The following USP47 variants were observed in gnomAD, a reference collection of about 807,000 sequenced individuals.
USP47 encodes the protein ubiquitin carboxyl-terminal hydrolase 47.
A neutral mutation model predicts 165.1 loss-of-function variants in USP47; 35 were observed. That is an observed-to-expected ratio of 0.21 (90% CI 0.16 to 0.28). USP47 has a LOEUF of 0.28. Ranked by LOEUF, USP47 falls within the 10% of genes least tolerant of loss-of-function variation. The probability of loss-of-function intolerance (pLI) is 1.00; values close to 1 mark genes in which losing one functional copy is unlikely to be tolerated. For synonymous variants in USP47, 531 were observed against 544.5 expected, an observed-to-expected ratio of 0.98 and a Z score of 0.35; for missense variants, 1,277 against 1,607.4, an observed-to-expected ratio of 0.79 and a Z score of 3.52.
In USP47 at chr11:11,902,826, T is replaced by C. The variant is rs1283661372; in HGVS notation, c.705T>C (p.Asp235=). Residue 235 remains aspartate (D), a synonymous_variant, in exon 6 of 28, where the codon GAT becomes GAC. Transcript: ENST00000527733. Reference sequence around the variant, plus strand: ...AAAAGAGAGCAATTGAAACCACAGATGTTACAAGGAGCTTTGGATGGGATA... The same window carrying C: ...AAAAGAGAGCAATTGAAACCACAGACGTTACAAGGAGCTTTGGATGGGATA... ...TSKKRAIETT[D]VTRSFGWDSS... The C allele has an allele frequency of 6.2e-7, 1 of 1,601,190 alleles. No individual in the cohort carries two copies. The highest frequency in any genetic ancestry group is 1.1e-5 in the South Asian group (1 of 88,030).
chr11:11,923,413 C>A (rs1035595582), intron 11 of USP47, among the ~76,000 whole-genome samples: 2 of 151,964 alleles, frequency 1.3e-5, no homozygotes, highest in African/African-American at 4.8e-5. Context: ...TCTTCCCTGT[C>A]CTGCGATAGT....
intron 20 of USP47, chr11:11,943,773 A>G (rs1159481022): frequency 1.3e-5 from 2 of 152,180 alleles, no homozygotes; most frequent in Non-Finnish European, 2.9e-5. Context: ...GACTGAGGCC[A>G]GCCAAATAAT....
chr11:11,934,636 T>C lies in USP47; in HGVS notation c.1869+701T>C, dbSNP rs79050935. ...TAAGAAACTGAAGAAAGGAGCCATA[T>C]GTTTAGATTGTTTTGAGTGAGCACA... is the stretch of plus-strand genomic sequence containing the variant. On this transcript the variant is annotated intron_variant, in intron 16 of 27. Coordinates refer to ENST00000527733, the MANE Select transcript of USP47 (RefSeq NM_001282659.2). Among the ~76,000 whole-genome samples, 871 of 152,194 alleles carry C rather than the reference T, an allele frequency of 5.7e-3. 9 individuals carry two copies. Among genetic ancestry groups the C allele is most frequent in the African/African-American group, 0.02 (831 of 41,544 alleles).
chr11:11,939,856 G>T (rs891175100), intron 18 of USP47, among the ~76,000 whole-genome samples: 4 of 151,946 alleles, frequency 2.6e-5, no homozygotes, highest in African/African-American at 2.4e-5. Flanking sequence ...GCATTGAAAA[G>T]AAATTGTGTT....
intron 8 of USP47, among the ~76,000 whole-genome samples, chr11:11,911,391 T>G (rs1445204103): frequency 6.6e-6 from 1 of 151,956 alleles, no homozygotes; most frequent in Non-Finnish European, 1.5e-5. Flanking sequence ...GCAAAAGGCA[T>G]AAACCTACAG....
intron 5 of USP47, among the ~76,000 whole-genome samples, chr11:11,899,539 G>A (rs887438178): frequency 6.6e-6 from 1 of 152,036 alleles, no homozygotes; most frequent in Non-Finnish European, 1.5e-5. Flanking sequence ...TGAGTAATGT[G>A]GAGGGAGTAA....
At position 11,961,878 on chromosome 11, in the gene USP47, C is replaced by T. The variant is rs1176035434; in HGVS notation, c.*5703C>T. Among the ~76,000 whole-genome samples, 1 of 152,206 alleles carries T rather than the reference C, an allele frequency of 6.6e-6. No homozygotes were observed. The highest frequency in any genetic ancestry group is 1.5e-5 in the Non-Finnish European group (1 of 68,036). ...AAGGTATTCAAGCACCACCTCCACC[C>T]AGCCCCTCCCACATTTCACTCAGGA... On this transcript the variant is annotated 3_prime_UTR_variant, in exon 28 of 28. Transcript: ENST00000527733.
Position 11,938,363 on chromosome 11 carries a change from G to T in USP47, c.2184G>T (p.Leu728=). The T allele has an allele frequency of 6.2e-7, 1 of 1,611,360 alleles. No homozygotes were observed. The highest frequency in any genetic ancestry group is 8.5e-7 in the Non-Finnish European group (1 of 1,178,400). The part of the protein sequence containing the change: ...LNQTVTEFKQ[L]ISKAIHLPAE... ...AGACAGTTACAGAATTCAAACAACT[G>T]ATTTCAAAGGTAAGTTTTAAAAGGG... Residue 728 remains leucine, a synonymous_variant, in exon 18 of 28, where the codon CTG becomes CTT. Coordinates refer to ENST00000527733, the MANE Select transcript of USP47 (RefSeq NM_001282659.2).
At chr11:11,865,683 TTATC>T (rs1849633475) in intron 1 of USP47, among the ~76,000 whole-genome samples, 1 of 152,120 alleles carries the variant, frequency 6.6e-6, no homozygotes, top group Admixed American at 6.6e-5. Context: ...TTTATTTTCC[TTATC>T]TCTCTCTCTT....
Position 11,952,736 on chromosome 11 carries a change from C to T in USP47, c.3584-5C>T. 1 of 1,588,780 alleles carries T rather than the reference C, an allele frequency of 6.3e-7. No homozygotes were observed. Among genetic ancestry groups the T allele is most frequent in the Middle Eastern group, 1.7e-4 (1 of 5,968 alleles). On this transcript the variant is annotated splice_region_variant and splice_polypyrimidine_tract_variant and intron_variant, in intron 24 of 27. Transcript: ENST00000527733. ...GAATGATGACCTAATCTTGCATATTCTTAGGGGTAGAGAAGATGAAGTCCA... is the reference window on the plus strand; with the variant it reads ...GAATGATGACCTAATCTTGCATATTTTTAGGGGTAGAGAAGATGAAGTCCA...
In USP47 at chr11:11,880,392, G is replaced by C. The variant is rs1850750742; in HGVS notation, c.243+12G>C. 1.6e-6 allele frequency: 2 copies of C among 1,276,106 alleles called. No homozygotes were observed. The highest frequency in any genetic ancestry group is 2.0e-6 in the Non-Finnish European group (2 of 1,012,020). 79.0% of individuals were successfully genotyped at this position (1,276,106 alleles called of 1,614,324 possible). A position where few individuals can be genotyped will look rare whatever the true frequency, so the allele number is the denominator to read the frequency against. ...ATACTGCTGATATGGTAAAATCCTA[G>C]ACTTAAGCTTCTAAAAATGTTATTA... is the stretch of plus-strand genomic sequence containing the variant. On this transcript the variant is annotated intron_variant, in intron 2 of 27. Transcript: ENST00000527733.
At chr11:11,881,787 A>G (rs907228478) in intron 2 of USP47, among the ~76,000 whole-genome samples, 8 of 152,102 alleles carry the variant, frequency 5.3e-5, no homozygotes, top group Non-Finnish European at 7.4e-5. Flanking sequence ...TCCTTGGACC[A>G]TTTTTATAAG....
intron 1 of USP47, among the ~76,000 whole-genome samples, chr11:11,843,369 A>G (rs17378294): frequency 0.017 from 2,564 of 152,336 alleles, 34 homozygotes; most frequent in Middle Eastern, 0.034. Context: ...TAAAAGGCAG[A>G]GAGTTATGTG....
At chr11:11,930,967 A>G (rs759306173) in intron 14 of USP47, among the ~76,000 whole-genome samples, 5 of 152,202 alleles carry the variant, frequency 3.3e-5, no homozygotes, top group Admixed American at 2.6e-4. Flanking sequence ...AAGAGACAAA[A>G]CTACATTAAA....
intron 1 of USP47, among the ~76,000 whole-genome samples, chr11:11,874,837 G>A (rs1417900374): frequency 6.6e-6 from 1 of 152,146 alleles, no homozygotes; most frequent in African/African-American, 2.4e-5. Context: ...GGGTTTACAG[G>A]TGTGAGCCAC....
At chr11:11,901,120 C>T (rs1367727272) in intron 5 of USP47, among the ~76,000 whole-genome samples, 8 of 152,144 alleles carry the variant, frequency 5.3e-5, no homozygotes, top group African/African-American at 1.9e-4. Context: ...ACTTCATTGA[C>T]TTCTGTGAGG....
At chr11:11,906,166 AT>A (rs1405766833) in intron 8 of USP47, among the ~76,000 whole-genome samples, 6 of 151,990 alleles carry the variant, frequency 3.9e-5, no homozygotes, top group East Asian at 1.9e-4. Context: ...CTTTTTTATA[AT>A]TTTTTAATTG....
chr11:11,940,200 C>G (rs1248828509), intron 18 of USP47, among the ~76,000 whole-genome samples: 1 of 151,966 alleles, frequency 6.6e-6, no homozygotes, highest in Non-Finnish European at 1.5e-5. Flanking sequence ...AAAATAGTTT[C>G]AGAGCATACA....
At chr11:11,917,235 A>G (rs1319833653) in intron 8 of USP47, among the ~76,000 whole-genome samples, 4 of 152,206 alleles carry the variant, frequency 2.6e-5, no homozygotes, top group African/African-American at 7.2e-5. Flanking sequence ...CCAGAAATTC[A>G]AGAAAGTACC....
Sources: allele counts gnomAD v4.1 joint callset (sites outside exome capture counted in the v4.1 genomes callset), GRCh38; gene constraint gnomAD v4.1.1; transcripts MANE v1.5; gene names NCBI Gene and HGNC (gene_info 2026-07-23, HGNC 2026-07-21).